Variants in ZFHX3 observed in about 807,000 individuals in gnomAD.
The protein encoded by ZFHX3 is zinc finger homeobox protein 3.
ZFHX3 carries 42 observed loss-of-function variants against 279.1 expected under a neutral mutation model. That is an observed-to-expected ratio of 0.15 (90% CI 0.12 to 0.19). ZFHX3 has a LOEUF of 0.19. Ranked by LOEUF, ZFHX3 falls within the 10% of genes least tolerant of loss-of-function variation. The pLI, the probability that ZFHX3 is intolerant of heterozygous loss-of-function variation, is 1.00. For synonymous variants in ZFHX3, 2,293 were observed against 1,957.8 expected (o/e 1.17, Z -4.52); for missense variants, 4,981 against 4,754.0 (o/e 1.05, Z -1.40).
chr16:72,911,568 A>T (rs902812726), intron 3 of ZFHX3, among the ~76,000 whole-genome samples: 2 of 152,344 alleles, frequency 1.3e-5, no homozygotes, highest in East Asian at 1.9e-4. Flanking sequence ...TGGGCATTTC[A>T]GACCCTCCGC....
intron 4 of ZFHX3, among the ~76,000 whole-genome samples, chr16:72,854,843 T>C (rs1047388773): frequency 2.7e-5 from 4 of 146,416 alleles, no homozygotes; most frequent in Non-Finnish European, 5.9e-5. Flanking sequence ...CTCCCAGCAG[T>C]GCGCACTCCC....
intron 1 of ZFHX3, among the ~76,000 whole-genome samples, chr16:72,977,386 C>G (rs952475391): frequency 2.6e-5 from 4 of 152,158 alleles, no homozygotes; most frequent in African/African-American, 9.7e-5. Flanking sequence ...TTCACGTGAC[C>G]AGTGTCCATT....
At chr16:72,998,287 G>A (rs1267003840) in intron 1 of ZFHX3, among the ~76,000 whole-genome samples, 2 of 152,044 alleles carry the variant, frequency 1.3e-5, no homozygotes, top group Non-Finnish European at 2.9e-5. Context: ...TGTAATCCCA[G>A]CTGCTCAGGA....
intron 7 of ZFHX3, among the ~76,000 whole-genome samples, chr16:73,105,398 T>TATATATACACACACAC (rs1966287655): frequency 2.5e-5 from 3 of 122,126 alleles, no homozygotes; most frequent in African/African-American, 1.2e-4. Flanking sequence ...CACACACATA[T>TATATATACACACACAC]ATATATATAT....
intron 2 of ZFHX3, among the ~76,000 whole-genome samples, chr16:73,618,830 A>T (rs1243571308): frequency 1.3e-5 from 2 of 152,094 alleles, no homozygotes; most frequent in African/African-American, 4.8e-5. Context: ...ACATTCATTC[A>T]TGTTTTGTTG....
intron 3 of ZFHX3, among the ~76,000 whole-genome samples, chr16:72,936,871 G>A (rs1031969813): frequency 5.3e-5 from 8 of 152,122 alleles, no homozygotes; most frequent in African/African-American, 1.2e-4. Flanking sequence ...GAGTAGAGGC[G>A]GGGGAGAGTT....
At chr16:73,340,749 C>G (rs997719265) in intron 3 of ZFHX3, among the ~76,000 whole-genome samples, 1 of 152,066 alleles carries the variant, frequency 6.6e-6, no homozygotes, top group Non-Finnish European at 1.5e-5. Context: ...TTAGTTCTAT[C>G]CCTCCAACCA....
chr16:73,779,418 G>A (rs1442506410), intron 1 of ZFHX3, among the ~76,000 whole-genome samples: 1 of 93,320 alleles, frequency 1.1e-5, no homozygotes, highest in African/African-American at 4.4e-5. Context: ...AGGTGGTGGT[G>A]TTTCATTCTA....
rs527968906 is a variant in ZFHX3 at position 73,728,056 on chromosome 16, A to C, written c.-1607-47816T>G. ...CAATAATTCATATGTTGAAGTTGTA[A>C]CTCCCAGCATCTAAAAATGTGACTG... On this transcript the variant is annotated intron_variant, in intron 1 of 17. Transcript: ENST00000641206. Among the ~76,000 whole-genome samples, 4 of 114,032 alleles carry C rather than the reference A, an allele frequency of 3.5e-5. No individual in the cohort carries two copies. The East Asian group carries it at 1.2e-3, about 35-fold the overall frequency. The allele number at this position is 114,032 out of a possible 152,430, so 74.8% of individuals were successfully genotyped here.
At chr16:73,206,614 A>AT (rs565839296) in intron 5 of ZFHX3, among the ~76,000 whole-genome samples, 3 of 151,932 alleles carry the variant, frequency 2.0e-5, no homozygotes, top group Non-Finnish European at 2.9e-5. Flanking sequence ...TGTATTCAGT[A>AT]TTTTTTTTCC....
At chr16:73,605,456 C>T (rs2052167794) in intron 2 of ZFHX3, among the ~76,000 whole-genome samples, 1 of 152,154 alleles carries the variant, frequency 6.6e-6, no homozygotes, top group African/African-American at 2.4e-5. Flanking sequence ...CCACCACATC[C>T]CCATTTCTAA....
chr16:73,789,596 T>G (rs1034507120), intron 1 of ZFHX3, among the ~76,000 whole-genome samples: 1 of 152,182 alleles, frequency 6.6e-6, no homozygotes, highest in African/African-American at 2.4e-5. Context: ...ATTATTATTA[T>G]TTTTACCGCT....
chr16:73,558,553 A>G (rs2020320825), intron 2 of ZFHX3: 1 of 152,174 alleles, frequency 6.6e-6, no homozygotes, highest in Non-Finnish European at 1.5e-5. Context: ...AGTCGATTAA[A>G]CACAGAAAGC....
chr16:72,947,485 C>A (rs927138358), intron 3 of ZFHX3, among the ~76,000 whole-genome samples: 1 of 152,172 alleles, frequency 6.6e-6, no homozygotes, highest in Non-Finnish European at 1.5e-5. Context: ...TCAGATGACA[C>A]ACCGAAAGCC....
rs559575592 is a variant in ZFHX3, at chr16:73,348,537, G to A, written c.-1290-30201C>T. Reference sequence around the variant, plus strand: ...TTGAAGCCGTGTTTGATGTTTCCACGGGCGTTTCTACTGATGGGCTTCACC... The same window carrying A: ...TTGAAGCCGTGTTTGATGTTTCCACAGGCGTTTCTACTGATGGGCTTCACC... On this transcript the variant is annotated intron_variant, in intron 3 of 17. Coordinates refer to the ZFHX3 transcript ENST00000641206. Among the ~76,000 whole-genome samples the A allele has an allele frequency of 3.9e-5, 6 of 152,292 alleles. No homozygotes were observed. In the South Asian group the frequency reaches 6.2e-4, roughly 16 times the overall value.
At chr16:73,348,771 T>G (rs958133628) in intron 3 of ZFHX3, among the ~76,000 whole-genome samples, 2 of 152,218 alleles carry the variant, frequency 1.3e-5, no homozygotes, top group African/African-American at 4.8e-5. Context: ...GGAAAGTTCC[T>G]TGTGGATGAC....
rs1961301322 is a variant in ZFHX3 at position 72,957,415 on chromosome 16, A to C, written c.2719+12T>G. On this transcript the variant is annotated intron_variant, in intron 2 of 9. Transcript: ENST00000268489. ...CTATCATGAAAACAGACAAACACGT[A>C]GTCATCCTCACCTAGAGCAGGCGTC... is the stretch of plus-strand genomic sequence containing the variant. 1 of 1,591,600 alleles carries C rather than the reference A, an allele frequency of 6.3e-7. No homozygotes were observed. Among genetic ancestry groups the C allele is most frequent in the Non-Finnish European group, 8.6e-7 (1 of 1,167,994 alleles).
Position 72,997,765 on chromosome 16 carries a change from A to C in ZFHX3, c.-49-37571T>G, listed in dbSNP as rs1278318838. 9.2e-5 allele frequency among the ~76,000 whole-genome samples: 14 copies of C among 152,138 alleles called. No individual in the cohort carries two copies. In the East Asian group the frequency reaches 2.3e-3, roughly 25 times the overall value. On this transcript the variant is annotated intron_variant, in intron 1 of 9. Transcript: ENST00000268489. ...GGGAACCACCTATCTATGAACTTTA[A>C]ATTTCCCAGTATCCATGTTAAAAAA... is the stretch of plus-strand genomic sequence containing the variant.
intron 2 of ZFHX3, among the ~76,000 whole-genome samples, chr16:73,536,772 G>T (rs1309432604): frequency 6.6e-6 from 1 of 152,104 alleles, no homozygotes; most frequent in South Asian, 2.1e-4. Context: ...CGAGAGTCCG[G>T]ATTTGTCAGA....
Sources: gnomAD v4.1 joint callset for allele counts (sites outside exome capture counted in the v4.1 genomes callset) on GRCh38, gnomAD v4.1.1 for gene constraint, MANE v1.5 for transcripts, NCBI Gene and HGNC (gene_info 2026-07-23, HGNC 2026-07-21) for gene names.